The following NAMPT variants were observed in gnomAD, a reference collection of about 807,000 sequenced individuals.
NAMPT encodes the protein NAmPRTase.
In NAMPT, 7 loss-of-function variants were observed where a neutral mutation model predicts 58.7. The observed-to-expected ratio is 0.12, with a 90% CI of 0.07 to 0.22. The LOEUF (loss-of-function observed/expected upper bound fraction) is 0.22, where lower values mean the gene tolerates loss of function less well. Among genes scored for constraint, NAMPT ranks in the 10% least tolerant of loss-of-function variants. The pLI, the probability that NAMPT is intolerant of heterozygous loss-of-function variation, is 1.00. For synonymous variants in NAMPT, 145 were observed against 198.1 expected, an observed-to-expected ratio of 0.73 and a Z score of 2.25; for missense variants, 271 against 567.9, an observed-to-expected ratio of 0.48 and a Z score of 5.31.
At chr7:106,263,672 T>C in intron 6 of NAMPT, 55 bp from the exon 7 acceptor site, 5 of 1,292,714 alleles carry the variant, frequency 3.9e-6, no homozygotes, top group Non-Finnish European at 5.6e-6. Flanking sequence ...GATCTATCCC[T>C]GAATCACCTT....
At chr7:106,285,701 GCT>G (rs1792868428), upstream of NAMPT, 6 of 536,728 alleles carry the variant, frequency 1.1e-5, no homozygotes, top group South Asian at 4.9e-4. Context: ...TCCTCCGGCG[GCT>G]CTGTCTATGG....
chr7:106,265,500 AT>A (rs1384134289), intron 6 of NAMPT, among the ~76,000 whole-genome samples: 6 of 146,424 alleles, frequency 4.1e-5, no homozygotes, highest in Non-Finnish European at 8.9e-5. Flanking sequence ...AGATGGCAAT[AT>A]TTCTCATAGT....
At chr7:106,274,802 C>A in intron 3 of NAMPT, 144 bp downstream of exon 3, 1 of 570,036 alleles carries the variant, frequency 1.8e-6, no homozygotes, top group East Asian at 3.1e-5. Context: ...TTGCAGTGAG[C>A]CGAGATTGTG....
Position 106,263,880 on chromosome 7 carries a change from C to CTG in NAMPT, c.744-265_744-264dup, listed in dbSNP as rs371123154. On this transcript the variant is annotated intron_variant, in intron 6 of 10. Coordinates refer to ENST00000222553, the MANE Select transcript of NAMPT (RefSeq NM_005746.3). ...TAACCTCGTATTTTCAACCAATTAT[C>CTG]TGTGTGTGTGTGTGTTTTCTGGTAT... Among the ~76,000 whole-genome samples the CTG allele has an allele frequency of 4.7e-3, 706 of 151,760 alleles. 8 individuals carry two copies. The highest frequency in any genetic ancestry group is 0.016 in the African/African-American group (645 of 41,468).
At chr7:106,256,804 T>C (rs906562702) in intron 8 of NAMPT, among the ~76,000 whole-genome samples, 1 of 152,196 alleles carries the variant, frequency 6.6e-6, no homozygotes, top group Non-Finnish European at 1.5e-5. Flanking sequence ...AATGGGTTTA[T>C]TGAGACACAA....
intron 3 of NAMPT, among the ~76,000 whole-genome samples, chr7:106,274,501 G>T (rs138444707): frequency 1.3e-3 from 191 of 152,188 alleles, no homozygotes; most frequent in African/African-American, 4.2e-3. Context: ...TAATGGCTAT[G>T]AAATAGCCAT....
At chr7:106,263,761 C>A in intron 6 of NAMPT, 144 bp from the exon 7 acceptor site, 1 of 687,092 alleles carries the variant, frequency 1.5e-6, no homozygotes, top group Non-Finnish European at 2.5e-6. Flanking sequence ...GAATATACAT[C>A]GTAAGGCAAA....
chr7:106,276,923 A>T, intron 2 of NAMPT, 100 bp downstream of exon 2: 1 of 898,840 alleles, frequency 1.1e-6, no homozygotes, highest in Non-Finnish European at 1.8e-6. Flanking sequence ...TATATGATTT[A>T]ATGCATCCAA....
At chr7:106,285,592 G>C, upstream of NAMPT, 2 of 985,932 alleles carry the variant, frequency 2.0e-6, no homozygotes, top group South Asian at 9.3e-5. Flanking sequence ...CATCCCTCTT[G>C]TCCCTCCTGA....
chr7:106,258,605 A>G (rs1792250025), intron 8 of NAMPT, among the ~76,000 whole-genome samples: 1 of 152,236 alleles, frequency 6.6e-6, no homozygotes, highest in South Asian at 2.1e-4. Flanking sequence ...TTGCTTCCAG[A>G]CCACTGCAAT....
In NAMPT at chr7:106,251,150, C is replaced by T. The variant is rs758841902; in HGVS notation, c.1409G>A (p.Ser470Asn). The T allele has an allele frequency of 1.2e-6, 2 of 1,607,310 alleles. No individual in the cohort carries two copies. Among genetic ancestry groups the T allele is most frequent in the East Asian group, 2.2e-5 (1 of 44,790 alleles). Reference sequence around the variant, plus strand: ...TTTTCTTATTTCATCAAATGAATAGCTTTTTGTCACCTTGCCATTCTTGAA... The same window carrying T: ...TTTTCTTATTTCATCAAATGAATAGTTTTTTGTCACCTTGCCATTCTTGAA... ...TVFKNGKVTK[S>N]YSFDEIRKNA... The change falls in exon 11 of 11, where the codon AGC becomes AAC. Residue 470 changes from serine (S) to asparagine (N), a missense_variant. By Grantham distance (46) the Ser-to-Asn change is conservative. Coordinates refer to ENST00000222553, the MANE Select transcript of NAMPT (RefSeq NM_005746.3).
intron 6 of NAMPT, among the ~76,000 whole-genome samples, chr7:106,267,737 A>G (rs1407391859): frequency 6.9e-6 from 1 of 145,158 alleles, no homozygotes; most frequent in Non-Finnish European, 1.5e-5. Context: ...GCTACTTGGG[A>G]GGCTGAGGCA....
At chr7:106,269,044 T>G in intron 5 of NAMPT, 110 bp downstream of exon 5, 1 of 1,048,032 alleles carries the variant, frequency 9.5e-7, no homozygotes, top group Non-Finnish European at 1.4e-6. Flanking sequence ...TGGTTGAATC[T>G]TTGGAATTTT....
At chr7:106,274,054 T>C (rs1157449064) in intron 3 of NAMPT, among the ~76,000 whole-genome samples, 1 of 150,992 alleles carries the variant, frequency 6.6e-6, no homozygotes, top group African/African-American at 2.4e-5. Flanking sequence ...CTCTTATAAT[T>C]CTATTACCAT....
chr7:106,263,696 T>C (rs1183249186), intron 6 of NAMPT, 79 bp from the exon 7 acceptor site: 3 of 1,075,444 alleles, frequency 2.8e-6, no homozygotes, highest in Non-Finnish European at 2.8e-6. Flanking sequence ...TCATATCTCA[T>C]GTTTACTATA....
At position 106,268,565 on chromosome 7, in the gene NAMPT, G is replaced by A; in HGVS notation, c.642C>T (p.Asn214=). The A allele has an allele frequency of 6.2e-7, 1 of 1,611,378 alleles. No homozygotes were observed. Among genetic ancestry groups the A allele is most frequent in the East Asian group, 2.2e-5 (1 of 44,838 alleles). The change falls in exon 6 of 11, where the codon AAC becomes AAT. Residue 214 remains asparagine, a synonymous_variant. Transcript: ENST00000222553. ...CTGCTACTGTATCTGTTCCTTTGAAGTTAACCAAGTGAGCAGATGCTCCTA... is the reference window on the plus strand; with the variant it reads ...CTGCTACTGTATCTGTTCCTTTGAAATTAACCAAGTGAGCAGATGCTCCTA... ...AGIGASAHLV[N]FKGTDTVAGL...
chr7:106,281,783 T>C (rs1008953221), intron 1 of NAMPT, among the ~76,000 whole-genome samples: 3 of 152,278 alleles, frequency 2.0e-5, no homozygotes, highest in East Asian at 3.9e-4. Context: ...AGGAGAGAAA[T>C]TGCAAAATCA....
intron 1 of NAMPT, among the ~76,000 whole-genome samples, chr7:106,282,963 A>C (rs879370178): frequency 3.3e-5 from 5 of 152,224 alleles, no homozygotes; most frequent in Non-Finnish European, 5.9e-5. Flanking sequence ...AAAAATGTAA[A>C]ATAGGTTATA....
At position 106,268,577 on chromosome 7, in the gene NAMPT, A is replaced by C. The variant is rs1462483234; in HGVS notation, c.630T>G (p.Ala210=). 1.9e-6 allele frequency: 3 copies of C among 1,611,262 alleles called. No homozygotes were observed. The highest frequency in any genetic ancestry group is 1.1e-5 in the South Asian group (1 of 91,018). Residue 210 remains alanine (A), a synonymous_variant, in exon 6 of 11, where the codon GCT becomes GCG. Coordinates refer to ENST00000222553, the MANE Select transcript of NAMPT (RefSeq NM_005746.3). ...CTGTTCCTTTGAAGTTAACCAAGTG[A>C]GCAGATGCTCCTATGCCAGCAGTCT... ...SQETAGIGAS[A]HLVNFKGTDT...
Sources: allele counts gnomAD v4.1 joint callset (sites outside exome capture counted in the v4.1 genomes callset), GRCh38; gene constraint gnomAD v4.1.1; transcripts MANE v1.5; gene names NCBI Gene and HGNC (gene_info 2026-07-23, HGNC 2026-07-21).